PARP8: variants seen among roughly 807,000 people sequenced by gnomAD.
PARP8 encodes poly(ADP-ribose) polymerase family member 8, also known as protein mono-ADP-ribosyltransferase PARP8.
In PARP8, 51 loss-of-function variants were observed where a neutral mutation model predicts 124.1. The ratio of observed to expected loss-of-function variants is 0.41; its 90% CI spans 0.33 to 0.52. The LOEUF (loss-of-function observed/expected upper bound fraction) is 0.52. Among genes scored for constraint, PARP8 ranks in the 20% least tolerant of loss-of-function variants. PARP8 has a pLI of 0.21. For synonymous variants in PARP8, 391 were observed against 361.5 expected, an observed-to-expected ratio of 1.08 and a Z score of -0.93; for missense variants, 860 against 1,018.9, an observed-to-expected ratio of 0.84 and a Z score of 2.12.
At chr5:50,755,299 T>G (rs1419906105) in intron 3 of PARP8, among the ~76,000 whole-genome samples, 1 of 152,160 alleles carries the variant, frequency 6.6e-6, no homozygotes, top group Non-Finnish European at 1.5e-5. Flanking sequence ...TCTTCTAGGG[T>G]TTTTATGGTG....
At chr5:50,781,522 A>T (rs1484128191) in intron 9 of PARP8, among the ~76,000 whole-genome samples, 3 of 152,154 alleles carry the variant, frequency 2.0e-5, no homozygotes, top group Non-Finnish European at 4.4e-5. Flanking sequence ...CAGCTCTGAG[A>T]TCTGCCCACT....
chr5:50,673,967 G>A (rs1249401364), intron 2 of PARP8, among the ~76,000 whole-genome samples: 1 of 152,192 alleles, frequency 6.6e-6, no homozygotes, highest in African/African-American at 2.4e-5. Context: ...CTTTAAGATA[G>A]CTGCCACTGA....
In PARP8 at chr5:50,839,957, A is replaced by G. The variant is rs75870626; in HGVS notation, c.2463-2009A>G. On this transcript the variant is annotated intron_variant, in intron 25 of 25. Coordinates refer to ENST00000281631, the MANE Select transcript of PARP8 (RefSeq NM_024615.4). ...AATGATGAAGGAACTCGTATTGCCA[A>G]TAACTTGGATTTTGTTCTGTAAGTG... is the stretch of plus-strand genomic sequence containing the variant. Among the ~76,000 whole-genome samples the G allele has an allele frequency of 9.8e-3, 1,487 of 151,970 alleles. 71 individuals carry two copies. The highest frequency in any genetic ancestry group is 0.067 in the Admixed American group (1,020 of 15,200).
At chr5:50,699,811 G>A (rs1046335961) in intron 2 of PARP8, among the ~76,000 whole-genome samples, 3 of 152,086 alleles carry the variant, frequency 2.0e-5, no homozygotes, top group Admixed American at 6.5e-5. Flanking sequence ...GCGGGACTAT[G>A]GACCATATTT....
chr5:50,741,918 T>C, intron 2 of PARP8: 1 of 430,040 alleles, frequency 2.3e-6, no homozygotes, highest in Non-Finnish European at 4.6e-6. Context: ...CAAGTGATTC[T>C]CCTGCCTCAG....
At chr5:50,724,678 A>G (rs553620998) in intron 2 of PARP8, among the ~76,000 whole-genome samples, 30 of 151,974 alleles carry the variant, frequency 2.0e-4, no homozygotes, top group Non-Finnish European at 2.6e-4. Context: ...TACAATTTTG[A>G]CTATATTATG....
At chr5:50,783,677 A>G (rs748977339) in intron 9 of PARP8, among the ~76,000 whole-genome samples, 25 of 152,176 alleles carry the variant, frequency 1.6e-4, no homozygotes, top group Admixed American at 5.2e-4. Flanking sequence ...AACTTATTTT[A>G]TGGACTTTAT....
intron 9 of PARP8, among the ~76,000 whole-genome samples, chr5:50,788,099 T>C (rs1223459146): frequency 1.3e-4 from 19 of 148,382 alleles, no homozygotes; most frequent in Non-Finnish European, 4.4e-5. Flanking sequence ...AATAATGCAC[T>C]AACTGTCCTA....
At chr5:50,787,670 G>A (rs1222887395) in intron 9 of PARP8, among the ~76,000 whole-genome samples, 12 of 152,012 alleles carry the variant, frequency 7.9e-5, no homozygotes, top group African/African-American at 2.7e-4. Flanking sequence ...TGACTGGAGC[G>A]ATGAGTGCAA....
At chr5:50,703,864 A>G (rs1753845718) in intron 2 of PARP8, among the ~76,000 whole-genome samples, 1 of 150,458 alleles carries the variant, frequency 6.6e-6, no homozygotes, top group Non-Finnish European at 1.5e-5. Context: ...TGATCACTGC[A>G]CTCTAGCCTG....
intron 2 of PARP8, among the ~76,000 whole-genome samples, chr5:50,737,759 G>T (rs1475973714): frequency 6.6e-6 from 1 of 152,138 alleles, no homozygotes; most frequent in Non-Finnish European, 1.5e-5. Context: ...AATCATAACT[G>T]TCTTGTTAAA....
chr5:50,820,720 T>TCTCA (rs1429146913), intron 15 of PARP8, among the ~76,000 whole-genome samples: 1 of 152,236 alleles, frequency 6.6e-6, no homozygotes, highest in Non-Finnish European at 1.5e-5. Context: ...CCTGACCCCG[T>TCTCA]ACAGGTCTCT....
intron 2 of PARP8, among the ~76,000 whole-genome samples, chr5:50,688,202 G>T (rs1752087174): frequency 6.6e-6 from 1 of 152,180 alleles, no homozygotes; most frequent in South Asian, 2.1e-4. Context: ...AAGCCGACCA[G>T]AGAGAGTTTT....
chr5:50,739,058 A>G, intron 2 of PARP8: 1 of 702,380 alleles, frequency 1.4e-6, no homozygotes, highest in South Asian at 1.5e-5. Context: ...CCTCATTCAC[A>G]TCTAGGAGGA....
At position 50,828,338 on chromosome 5, in the gene PARP8, C is replaced by G. The variant is rs112678068; in HGVS notation, c.2117C>G (p.Ser706Cys). Residue 706 changes from serine (S) to cysteine (C), a missense_variant, in exon 21 of 26, where the codon TCC (serine) becomes TGC (cysteine). Coordinates refer to ENST00000281631, the MANE Select transcript of PARP8 (RefSeq NM_024615.4). Reference sequence around the variant, plus strand: ...GGCTCACACATTGAAAACTGGCACTCCATCCTGAGGAATGGTCTGGTTGTT... The same window carrying G: ...GGCTCACACATTGAAAACTGGCACTGCATCCTGAGGAATGGTCTGGTTGTT... ...FHGSHIENWH[S>C]ILRNGLVVAS... 1.2e-6 allele frequency: 2 copies of G among 1,613,706 alleles called. No homozygotes were observed. The highest frequency in any genetic ancestry group is 8.5e-7 in the Non-Finnish European group (1 of 1,179,806).
At position 50,820,698 on chromosome 5, in the gene PARP8, G is replaced by A. The variant is rs532576281; in HGVS notation, c.1669-515G>A. Among the ~76,000 whole-genome samples, 19 of 152,292 alleles carry A rather than the reference G, an allele frequency of 1.2e-4. 1 individual carries two copies. The South Asian group carries it at 3.9e-3, about 32-fold the overall frequency. ...TGGAACAGCTTCTCGCCAGATGGTC[G>A]CATGTCTCCTTCCTGACCCCGTACA... is the stretch of plus-strand genomic sequence containing the variant. On this transcript the variant is annotated intron_variant, in intron 15 of 25. Transcript: ENST00000281631.
At chr5:50,738,398 A>AT (rs1368192114) in intron 2 of PARP8, among the ~76,000 whole-genome samples, 14 of 152,232 alleles carry the variant, frequency 9.2e-5, no homozygotes, top group Non-Finnish European at 1.5e-4. Flanking sequence ...TATAAAATTT[A>AT]TGAATATTGC....
intron 15 of PARP8, among the ~76,000 whole-genome samples, chr5:50,819,026 T>C (rs1580451008): frequency 6.6e-6 from 1 of 152,188 alleles, no homozygotes; most frequent in African/African-American, 2.4e-5. Flanking sequence ...CCACTGATGA[T>C]CTGGTGAAAG....
At chr5:50,827,796 A>G in intron 19 of PARP8, 148 bp from the exon 20 acceptor site, 2 of 618,876 alleles carry the variant, frequency 3.2e-6, no homozygotes, top group South Asian at 4.0e-5. Flanking sequence ...TAAAAACATT[A>G]TACAAATTAG....
Sources: gnomAD v4.1 joint callset for allele counts (sites outside exome capture counted in the v4.1 genomes callset) on GRCh38, gnomAD v4.1.1 for gene constraint, MANE v1.5 for transcripts, NCBI Gene and HGNC (gene_info 2026-07-23, HGNC 2026-07-21) for gene names.